Variants in GPAT3 observed in about 807,000 individuals in gnomAD.
The protein encoded by GPAT3 is glycerol-3-phosphate acyltransferase 3.
GPAT3 carries 53 observed loss-of-function variants against 58.8 expected under a neutral mutation model. That is an observed-to-expected ratio of 0.90 (90% CI 0.72 to 1.13). The LOEUF (loss-of-function observed/expected upper bound fraction) is 1.13. Among genes scored for constraint, GPAT3 ranks in the 50% most tolerant of loss-of-function variants. The pLI, the probability that GPAT3 is intolerant of heterozygous loss-of-function variation, is 0.00. For missense variants in GPAT3, 511 were observed against 527.6 expected (o/e 0.97, Z 0.31); for synonymous variants, 197 against 187.4 (o/e 1.05, Z -0.42).
At chr4:83,556,195 G>A (rs987919184) in intron 2 of GPAT3, among the ~76,000 whole-genome samples, 1 of 152,186 alleles carries the variant, frequency 6.6e-6, no homozygotes, top group East Asian at 1.9e-4. Flanking sequence ...GTTTAATCAA[G>A]TTAGCTGTAT....
intron 1 of GPAT3, among the ~76,000 whole-genome samples, chr4:83,540,994 C>T (rs1254974189): frequency 6.6e-6 from 1 of 151,966 alleles, no homozygotes; most frequent in African/African-American, 2.4e-5. Flanking sequence ...CTGGCTTTGT[C>T]CCTGTTTTAG....
rs781366499 is a variant in GPAT3, at chr4:83,598,131, C to G, written c.1077C>G (p.Ser359Arg). ...GCTACCTGCTTCGAATGATGACCAG[C>G]TGGGCCATCGTCTGTGACGTGTGGT... is the stretch of plus-strand genomic sequence containing the variant. ...MVSYLLRMMT[S>R]WAIVCDVWYM... The change falls in exon 10 of 12, where the codon AGC becomes AGG. Residue 359 changes from serine (S) to arginine (R), a missense_variant. Coordinates refer to ENST00000264409, the MANE Select transcript of GPAT3 (RefSeq NM_032717.5). 1.2e-6 allele frequency: 2 copies of G among 1,613,522 alleles called. No individual in the cohort carries two copies. Among genetic ancestry groups the G allele is most frequent in the African/African-American group, 2.7e-5 (2 of 74,832 alleles).
intron 2 of GPAT3, among the ~76,000 whole-genome samples, chr4:83,561,424 G>A (rs1048012176): frequency 2.0e-5 from 3 of 152,016 alleles, no homozygotes; most frequent in Non-Finnish European, 4.4e-5. Context: ...GTTGGTATCT[G>A]TCAGTGTATC....
Position 83,605,474 on chromosome 4 carries a change from GT to G in GPAT3, c.*708del, listed in dbSNP as rs1727219969. 1 of 152,062 alleles carries G rather than the reference GT, an allele frequency of 6.6e-6. No individual in the cohort carries two copies. The highest frequency in any genetic ancestry group is 1.5e-5 in the Non-Finnish European group (1 of 67,982). 9.4% of individuals were successfully genotyped at this position (152,062 alleles called of 1,614,324 possible). A position where few individuals can be genotyped will look rare whatever the true frequency, so the allele number is the denominator to read the frequency against. On this transcript the variant is annotated 3_prime_UTR_variant, in exon 12 of 12. Coordinates refer to ENST00000264409, the MANE Select transcript of GPAT3 (RefSeq NM_032717.5). ...TTCCTTGTTTGAATGCTGTAGATCT[GT>G]ACCTAGTACCCCTCCCATCTACTGA...
intron 2 of GPAT3, among the ~76,000 whole-genome samples, chr4:83,549,320 A>G (rs1412078512): frequency 1.3e-5 from 2 of 151,980 alleles, no homozygotes; most frequent in Non-Finnish European, 2.9e-5. Context: ...TATGAAGTGT[A>G]ATGCATCTAA....
chr4:83,576,503 G>T (rs1201462306), intron 2 of GPAT3, among the ~76,000 whole-genome samples: 1 of 151,690 alleles, frequency 6.6e-6, no homozygotes, highest in Non-Finnish European at 1.5e-5. Context: ...GAGTGCAGTG[G>T]TGTGATCTTG....
chr4:83,544,785 A>C (rs1724445308), intron 2 of GPAT3, among the ~76,000 whole-genome samples, 183 bp downstream of exon 2: 2 of 152,148 alleles, frequency 1.3e-5, no homozygotes, highest in Admixed American at 6.5e-5. Context: ...TAAAGGTGGT[A>C]ATATGTGTTA....
chr4:83,541,847 A>G (rs775539748), intron 1 of GPAT3, among the ~76,000 whole-genome samples: 2 of 152,228 alleles, frequency 1.3e-5, no homozygotes, highest in Non-Finnish European at 2.9e-5. Context: ...GCCGCCTTCC[A>G]GCAAGAAGGT....
chr4:83,578,982 T>TTC (rs1432688226), intron 2 of GPAT3, among the ~76,000 whole-genome samples: 2 of 135,690 alleles, frequency 1.5e-5, no homozygotes, highest in African/African-American at 3.0e-5. Flanking sequence ...CTTTCTTTCT[T>TTC]TCTTTCCTTC....
intron 7 of GPAT3, among the ~76,000 whole-genome samples, chr4:83,595,822 G>A (rs142712268): frequency 6.6e-6 from 1 of 152,288 alleles, no homozygotes; most frequent in Non-Finnish European, 1.5e-5. Context: ...ACAGCTTTTG[G>A]CCCGAGGCCT....
chr4:83,579,036 T>C (rs1725966138), intron 2 of GPAT3, among the ~76,000 whole-genome samples: 2 of 23,946 alleles, frequency 8.4e-5, no homozygotes, highest in Admixed American at 4.0e-4. Context: ...CTTTCTTTCT[T>C]TCTTTCTTTC....
chr4:83,542,947 G>A lies in GPAT3; in HGVS notation c.142-1589G>A, dbSNP rs150429627. 4.1e-3 allele frequency among the ~76,000 whole-genome samples: 623 copies of A among 152,110 alleles called. 2 individuals carry two copies. Among genetic ancestry groups the A allele is most frequent in the Non-Finnish European group, 6.8e-3 (462 of 67,994 alleles). ...CTGGAGGTGGAGATTGCAGTGAGCC[G>A]AGATCATGCCATTGGACTCCAGCCT... On this transcript the variant is annotated intron_variant, in intron 1 of 11. Transcript: ENST00000264409.
rs1269062906 is a variant in GPAT3, at chr4:83,593,149, G to T, written c.739-1696G>T. ...CCCAAAGTCCTGGGATTACAGGTGT[G>T]AGCCACCGAGCCAGGACTTTTTTTT... is the stretch of plus-strand genomic sequence containing the variant. On this transcript the variant is annotated intron_variant, in intron 6 of 11. Coordinates refer to ENST00000264409, the MANE Select transcript of GPAT3 (RefSeq NM_032717.5). Among the ~76,000 whole-genome samples the T allele has an allele frequency of 4.2e-5, 6 of 141,256 alleles. No individual in the cohort carries two copies. The South Asian group carries it at 1.5e-3, about 34-fold the overall frequency. 92.7% of individuals were successfully genotyped at this position (141,256 alleles called of 152,430 possible).
intron 1 of GPAT3, among the ~76,000 whole-genome samples, chr4:83,537,623 G>GTA (rs371972226): frequency 0.31 from 44,409 of 143,810 alleles, 7,287 homozygotes; most frequent in Middle Eastern, 0.47. Context: ...GTGTGTGTGT[G>GTA]TGTATATTTA....
At chr4:83,574,256 T>C (rs1354566987) in intron 2 of GPAT3, among the ~76,000 whole-genome samples, 2 of 152,246 alleles carry the variant, frequency 1.3e-5, no homozygotes, top group African/African-American at 4.8e-5. Flanking sequence ...CTGATTTTCT[T>C]AACTGCTTGC....
chr4:83,547,401 C>A (rs185818040), intron 2 of GPAT3, among the ~76,000 whole-genome samples: 1 of 151,322 alleles, frequency 6.6e-6, no homozygotes, highest in Non-Finnish European at 1.5e-5. Flanking sequence ...TACAGGTGCC[C>A]GCCACCACGC....
chr4:83,596,264 A>G (rs1186103872), intron 7 of GPAT3, among the ~76,000 whole-genome samples: 1 of 152,182 alleles, frequency 6.6e-6, no homozygotes, highest in African/African-American at 2.4e-5. Flanking sequence ...TCTAGAGTCC[A>G]TGACTCTAGA....
At chr4:83,543,451 A>T (rs187056488) in intron 1 of GPAT3, among the ~76,000 whole-genome samples, 3 of 152,308 alleles carry the variant, frequency 2.0e-5, no homozygotes, top group East Asian at 3.9e-4. Context: ...AGAAAAAAAT[A>T]AAAAAATCAC....
Position 83,604,967 on chromosome 4 carries a change from G to T in GPAT3, c.*200G>T. 4.0e-6 allele frequency: 2 copies of T among 505,730 alleles called. No individual in the cohort carries two copies. The allele number at this position is 505,730 out of a possible 1,614,324, so 31.3% of individuals were successfully genotyped here. On this transcript the variant is annotated 3_prime_UTR_variant, in exon 12 of 12. Transcript: ENST00000264409. ...TTGTTGTTGTAACATTAGCCCCATGGATTGTAAGGTGGTTTACTGAGTTAA... is the reference window on the plus strand; with the variant it reads ...TTGTTGTTGTAACATTAGCCCCATGTATTGTAAGGTGGTTTACTGAGTTAA...
Sources: gnomAD v4.1 joint callset for allele counts (sites outside exome capture counted in the v4.1 genomes callset) on GRCh38, gnomAD v4.1.1 for gene constraint, MANE v1.5 for transcripts, NCBI Gene and HGNC (gene_info 2026-07-23, HGNC 2026-07-21) for gene names.